The following SEC23B variants were observed in gnomAD, a reference collection of about 807,000 sequenced individuals.
SEC23B encodes the protein SEC23 homolog B, COPII component.
A neutral mutation model predicts 104.3 loss-of-function variants in SEC23B; 77 were observed. The ratio of observed to expected loss-of-function variants is 0.74; its 90% CI spans 0.61 to 0.89. The LOEUF (loss-of-function observed/expected upper bound fraction) is 0.89, where lower values mean the gene tolerates loss of function less well. SEC23B is among the 40% of genes least tolerant of loss of function. The probability of loss-of-function intolerance (pLI) is 0.00; values close to 1 mark genes in which losing one functional copy is unlikely to be tolerated. For missense variants in SEC23B, 885 were observed against 949.4 expected (o/e 0.93, Z 0.89); for synonymous variants, 338 against 332.5 (o/e 1.02, Z -0.18).
At chr20:18,555,083 C>T in intron 18 of SEC23B, 25 bp from the exon 19 acceptor site, 9 of 1,598,600 alleles carry the variant, frequency 5.6e-6, no homozygotes, top group Non-Finnish European at 7.7e-6. Context: ...ATCTTTAAAT[C>T]TTTTTGTTGT....
chr20:18,524,829 A>G, intron 5 of SEC23B, 106 bp from the exon 6 acceptor site: 1 of 1,303,996 alleles, frequency 7.7e-7, no homozygotes, highest in Non-Finnish European at 1.1e-6. Flanking sequence ...AGTAGGTGGG[A>G]CTAGAGGCAC....
intron 15 of SEC23B, among the ~76,000 whole-genome samples, chr20:18,548,046 G>T (rs913116062): frequency 6.6e-6 from 1 of 152,048 alleles, no homozygotes; most frequent in African/African-American, 2.4e-5. Flanking sequence ...CCCCCTACTG[G>T]GTTCAAGTGA....
rs1252661607 is a variant in SEC23B at position 18,519,972 on chromosome 20, G to A, written c.366+4236G>A. Among the ~76,000 whole-genome samples the A allele has an allele frequency of 4.6e-5, 7 of 152,184 alleles. No individual in the cohort carries two copies. The South Asian group carries it at 1.0e-3, about 23-fold the overall frequency. On this transcript the variant is annotated intron_variant, in intron 4 of 19. Transcript: ENST00000650089. Reference sequence around the variant, plus strand: ...ATGGGGGCTGTCCGCGAAGCCTTGCGGCAGTAGAGCCCAGGTAATTTGCTG... The same window carrying A: ...ATGGGGGCTGTCCGCGAAGCCTTGCAGCAGTAGAGCCCAGGTAATTTGCTG...
chr20:18,538,864 T>C (rs2060260754), intron 12 of SEC23B, among the ~76,000 whole-genome samples: 1 of 152,086 alleles, frequency 6.6e-6, no homozygotes, highest in African/African-American at 2.4e-5. Flanking sequence ...ATCATGAAAT[T>C]GTAGCAATTC....
intron 13 of SEC23B, 141 bp from the exon 14 acceptor site, chr20:18,542,878 G>C: frequency 9.9e-7 from 1 of 1,009,446 alleles, no homozygotes; most frequent in South Asian, 1.3e-5. Context: ...GGCTCAAGCA[G>C]TCCTGCCACC....
intron 4 of SEC23B, among the ~76,000 whole-genome samples, chr20:18,523,666 G>A (rs1355594033): frequency 1.3e-5 from 2 of 149,952 alleles, no homozygotes; most frequent in African/African-American, 2.4e-5. Context: ...CTCTCAAAGT[G>A]TTGGGATTCA....
intron 16 of SEC23B, among the ~76,000 whole-genome samples, chr20:18,549,648 GA>G (rs1356576738): frequency 6.6e-6 from 1 of 151,798 alleles, no homozygotes; most frequent in Non-Finnish European, 1.5e-5. Context: ...GAACTATATG[GA>G]AAAAAACAAA....
chr20:18,517,224 T>C (rs2060037424), intron 4 of SEC23B, among the ~76,000 whole-genome samples: 1 of 151,942 alleles, frequency 6.6e-6, no homozygotes, highest in Non-Finnish European at 1.5e-5. Context: ...GAAAAAGGAG[T>C]CAGCAAAGGG....
intron 4 of SEC23B, among the ~76,000 whole-genome samples, chr20:18,519,611 G>T (rs923779709): frequency 6.6e-6 from 1 of 152,162 alleles, no homozygotes; most frequent in Non-Finnish European, 1.5e-5. Context: ...AATGAAAAGG[G>T]TTGGGATGAG....
intron 10 of SEC23B, among the ~76,000 whole-genome samples, chr20:18,531,723 A>G (rs569854040): frequency 1.3e-5 from 2 of 149,068 alleles, no homozygotes; most frequent in South Asian, 4.3e-4. Flanking sequence ...TGGCCCTGAT[A>G]CAGCTGATTC....
Position 18,559,942 on chromosome 20 carries a change from C to T in SEC23B, c.2215-709C>T, listed in dbSNP as rs187832949. 7.9e-5 allele frequency among the ~76,000 whole-genome samples: 12 copies of T among 152,170 alleles called. No individual in the cohort carries two copies. In the East Asian group the frequency reaches 2.3e-3, roughly 29 times the overall value. On this transcript the variant is annotated intron_variant, in intron 19 of 19. Coordinates refer to ENST00000650089, the MANE Select transcript of SEC23B (RefSeq NM_006363.6). Reference sequence around the variant, plus strand: ...TTCCTTCCTCGAAATCCTCTGAAAACATTTTGATCATGCTTACACTTTTCT... The same window carrying T: ...TTCCTTCCTCGAAATCCTCTGAAAATATTTTGATCATGCTTACACTTTTCT...
chr20:18,526,057 C>A, intron 7 of SEC23B, 125 bp downstream of exon 7: 1 of 1,140,758 alleles, frequency 8.8e-7, no homozygotes, highest in Non-Finnish European at 1.3e-6. Flanking sequence ...TATCAGAAAG[C>A]ATTTGAGGCA....
chr20:18,508,555 A>G (rs2059951983), intron 1 of SEC23B, among the ~76,000 whole-genome samples: 1 of 152,098 alleles, frequency 6.6e-6, no homozygotes, highest in African/African-American at 2.4e-5. Context: ...TCATGCGCAT[A>G]ACTTCAGATG....
At chr20:18,530,590 T>C in intron 9 of SEC23B, 90 bp from the exon 10 acceptor site, 1 of 1,482,236 alleles carries the variant, frequency 6.7e-7, no homozygotes, top group East Asian at 2.3e-5. Flanking sequence ...GTTTCTTTTT[T>C]TCTTTAAATT....
chr20:18,552,544 T>C (rs1320049059), intron 17 of SEC23B, among the ~76,000 whole-genome samples: 2 of 152,224 alleles, frequency 1.3e-5, no homozygotes, highest in Non-Finnish European at 2.9e-5. Flanking sequence ...CCGGGTGTGG[T>C]AGTTCATGCC....
In SEC23B at chr20:18,554,363, C is replaced by T. The variant is rs1200888173; in HGVS notation, c.2121C>T (p.Tyr707=). The T allele has an allele frequency of 1.2e-6, 2 of 1,614,206 alleles. No homozygotes were observed. Among genetic ancestry groups the T allele is most frequent in the Admixed American group, 1.7e-5 (1 of 60,014 alleles). The change falls in exon 18 of 20, where the codon TAC becomes TAT. Residue 707 remains tyrosine (Y), a synonymous_variant. Coordinates refer to ENST00000650089, the MANE Select transcript of SEC23B (RefSeq NM_006363.6). ...ILQARFPMPR[Y]INTEHGGSQA... is the part of the protein sequence containing the mutation. ...AAGCACGCTTCCCGATGCCACGTTA[C>T]ATCAACACGGAGCATGGAGGCAGTC...
intron 6 of SEC23B, among the ~76,000 whole-genome samples, chr20:18,525,310 TC>T (rs1473744925): frequency 2.6e-5 from 4 of 152,206 alleles, no homozygotes. Flanking sequence ...GACCGGGTAT[TC>T]ACTTGACTCA....
Position 18,560,920 on chromosome 20 carries a change from A to G in SEC23B, c.*180A>G. 3.3e-6 allele frequency: 2 copies of G among 613,860 alleles called. No individual in the cohort carries two copies. The highest frequency in any genetic ancestry group is 5.8e-6 in the Non-Finnish European group (2 of 343,588). 38.0% of individuals were successfully genotyped at this position (613,860 alleles called of 1,614,324 possible). On this transcript the variant is annotated 3_prime_UTR_variant, in exon 20 of 20. Transcript: ENST00000650089. Reference sequence around the variant, plus strand: ...CTGTCTTTGTCCTTTTTCTTGCACTATAAAATTATAAGGTCATAAATGTTT... The same window carrying G: ...CTGTCTTTGTCCTTTTTCTTGCACTGTAAAATTATAAGGTCATAAATGTTT...
intron 1 of SEC23B, among the ~76,000 whole-genome samples, chr20:18,509,238 C>T (rs2059960271): frequency 6.6e-6 from 1 of 152,166 alleles, no homozygotes; most frequent in East Asian, 1.9e-4. Flanking sequence ...TCAGTTGGAG[C>T]AAACATTGGA....
Sources: gnomAD v4.1 joint callset for allele counts (sites outside exome capture counted in the v4.1 genomes callset) on GRCh38, gnomAD v4.1.1 for gene constraint, MANE v1.5 for transcripts, NCBI Gene and HGNC (gene_info 2026-07-23, HGNC 2026-07-21) for gene names.